LRP1B: variants seen among roughly 807,000 people sequenced by gnomAD.
LRP1B encodes the protein low-density lipoprotein receptor-related protein 1B.
A neutral mutation model predicts 556.6 loss-of-function variants in LRP1B; 217 were observed. That is an observed-to-expected ratio of 0.39 (90% CI 0.35 to 0.44). The LOEUF is 0.44. LRP1B is among the 20% of genes least tolerant of loss of function. The probability of loss-of-function intolerance (pLI) is 1.00; values close to 1 mark genes in which losing one functional copy is unlikely to be tolerated. For synonymous variants in LRP1B, 2,047 were observed against 1,865.8 expected, an observed-to-expected ratio of 1.10 and a Z score of -2.50; for missense variants, 5,053 against 5,620.8, an observed-to-expected ratio of 0.90 and a Z score of 3.23.
At chr2:141,623,654 A>G (rs753488074) in intron 2 of LRP1B, among the ~76,000 whole-genome samples, 2 of 152,122 alleles carry the variant, frequency 1.3e-5, no homozygotes, top group African/African-American at 2.4e-5. Flanking sequence ...GCAAAATGAT[A>G]CCACAAAGTT....
intron 7 of LRP1B, among the ~76,000 whole-genome samples, chr2:141,068,835 T>C (rs1407570159): frequency 1.3e-5 from 2 of 152,022 alleles, no homozygotes; most frequent in Non-Finnish European, 2.9e-5. Context: ...TCATTCTACT[T>C]TAGGGAATAT....
chr2:140,678,406 G>A (rs1055429976), intron 41 of LRP1B, among the ~76,000 whole-genome samples: 7 of 152,134 alleles, frequency 4.6e-5, no homozygotes, highest in African/African-American at 1.7e-4. Context: ...TAAATTCCAT[G>A]TTTAGGTTGT....
intron 7 of LRP1B, among the ~76,000 whole-genome samples, chr2:141,104,736 A>T (rs1372790255): frequency 1.3e-5 from 2 of 152,106 alleles, no homozygotes; most frequent in Non-Finnish European, 2.9e-5. Context: ...ATCAGCTGAA[A>T]TTAAGTTGCT....
intron 18 of LRP1B, among the ~76,000 whole-genome samples, chr2:140,967,288 T>C (rs958774237): frequency 6.6e-6 from 1 of 151,144 alleles, no homozygotes; most frequent in African/African-American, 2.4e-5. Context: ...CCTAGGTATT[T>C]TATTCTCTTT....
chr2:141,500,889 TTC>T (rs1683689045), intron 2 of LRP1B, among the ~76,000 whole-genome samples: 1 of 152,102 alleles, frequency 6.6e-6, no homozygotes, highest in Non-Finnish European at 1.5e-5. Flanking sequence ...CCACAGTTAT[TTC>T]TGACAACAGG....
intron 1 of LRP1B, among the ~76,000 whole-genome samples, chr2:142,077,474 A>T (rs969914146): frequency 2.0e-5 from 3 of 152,164 alleles, no homozygotes; most frequent in Non-Finnish European, 2.9e-5. Flanking sequence ...TTGCAACTAC[A>T]TATTTCACTT....
chr2:140,758,492 A>G (rs1688812251), intron 35 of LRP1B, among the ~76,000 whole-genome samples: 1 of 152,076 alleles, frequency 6.6e-6, no homozygotes, highest in Non-Finnish European at 1.5e-5. Context: ...AAATAAAAGT[A>G]TTTAACCATG....
At chr2:140,426,243 G>A (rs1685647196) in intron 66 of LRP1B, among the ~76,000 whole-genome samples, 1 of 152,106 alleles carries the variant, frequency 6.6e-6, no homozygotes, top group African/African-American at 2.4e-5. Flanking sequence ...CCAATATTAA[G>A]AATCATTTGA....
intron 8 of LRP1B, among the ~76,000 whole-genome samples, chr2:141,059,862 G>A (rs1169935387): frequency 6.6e-6 from 1 of 151,736 alleles, no homozygotes; most frequent in Non-Finnish European, 1.5e-5. Context: ...AAAGGCACAT[G>A]CTAGGCACCT....
At chr2:141,599,569 C>T (rs1025487634) in intron 2 of LRP1B, among the ~76,000 whole-genome samples, 4 of 151,984 alleles carry the variant, frequency 2.6e-5, no homozygotes, top group Admixed American at 1.3e-4. Context: ...ATGCATGGAT[C>T]GATTGAAGTT....
rs59647485 is a variant in LRP1B, at chr2:141,510,195, GAC to G, written c.206-29664_206-29663del. ...CCTAGGTTATGAGTTCGGCAATACAGACACACACACACACACACACACACACA... is the reference window on the plus strand; with the variant it reads ...CCTAGGTTATGAGTTCGGCAATACAGACACACACACACACACACACACACA... On this transcript the variant is annotated intron_variant, in intron 2 of 90. Coordinates refer to ENST00000389484, the MANE Select transcript of LRP1B (RefSeq NM_018557.3). Among the ~76,000 whole-genome samples the G allele has an allele frequency of 5.4e-3, 512 of 95,084 alleles. 4 individuals are homozygous for G. Among genetic ancestry groups the G allele is most frequent in the African/African-American group, 0.018 (381 of 21,390 alleles). 62.4% of individuals were successfully genotyped at this position (95,084 alleles called of 152,430 possible). A position where few individuals can be genotyped will look rare whatever the true frequency, so the allele number is the denominator to read the frequency against.
chr2:141,574,155 C>T (rs902292482), intron 2 of LRP1B, among the ~76,000 whole-genome samples: 14 of 152,088 alleles, frequency 9.2e-5, no homozygotes, highest in Admixed American at 8.5e-4. Flanking sequence ...AAGAGAACTT[C>T]AGGCCAATAT....
chr2:141,008,611 G>T (rs2105378090), intron 14 of LRP1B, among the ~76,000 whole-genome samples: 1 of 151,842 alleles, frequency 6.6e-6, no homozygotes, highest in South Asian at 2.1e-4. Flanking sequence ...AGCAAATGAA[G>T]AATAGCTTTC....
intron 66 of LRP1B, among the ~76,000 whole-genome samples, chr2:140,390,205 T>A (rs1464624258): frequency 6.6e-6 from 1 of 151,872 alleles, no homozygotes; most frequent in Non-Finnish European, 1.5e-5. Flanking sequence ...AAAAGAAAAA[T>A]TAAACTGGAG....
rs758885670 is a variant in LRP1B at position 140,456,611 on chromosome 2, T to A, written c.9815-8A>T. 6.2e-7 allele frequency: 1 copy of A among 1,603,712 alleles called. No homozygotes were observed. The highest frequency in any genetic ancestry group is 8.5e-7 in the Non-Finnish European group (1 of 1,174,886). Reference sequence around the variant, plus strand: ...TGCAGAGATGTTTGGAGACTAAAGATAAGAAAGAAACAACAACAACAAAAC... The same window carrying A: ...TGCAGAGATGTTTGGAGACTAAAGAAAAGAAAGAAACAACAACAACAAAAC... On this transcript the variant is annotated splice_region_variant and splice_polypyrimidine_tract_variant and intron_variant, in intron 61 of 90. Coordinates refer to ENST00000389484, the MANE Select transcript of LRP1B (RefSeq NM_018557.3).
intron 43 of LRP1B, among the ~76,000 whole-genome samples, chr2:140,567,715 G>A (rs144143919): frequency 1.4e-4 from 22 of 152,194 alleles, no homozygotes; most frequent in Non-Finnish European, 2.9e-4. Flanking sequence ...GTTGCTTGTC[G>A]CCTATGTCAG....
At chr2:141,805,340 T>C (rs1696136840) in intron 2 of LRP1B, 3 of 152,158 alleles carry the variant, frequency 2.0e-5, no homozygotes, top group Admixed American at 2.0e-4. Flanking sequence ...TATCCACTTT[T>C]GCAACTTTTT....
At chr2:140,650,297 C>T (rs1684630536) in intron 41 of LRP1B, among the ~76,000 whole-genome samples, 1 of 148,138 alleles carries the variant, frequency 6.8e-6, no homozygotes, top group Non-Finnish European at 1.5e-5. Flanking sequence ...AGTTAAATCA[C>T]TTTATTTTTA....
At chr2:141,052,147 C>T (rs745447912) in intron 10 of LRP1B, among the ~76,000 whole-genome samples, 16 of 151,972 alleles carry the variant, frequency 1.1e-4, no homozygotes, top group Middle Eastern at 3.4e-3. Flanking sequence ...TTTTCTTAGA[C>T]GAAATTACAG....
Sources: gnomAD v4.1 joint callset for allele counts (sites outside exome capture counted in the v4.1 genomes callset) on GRCh38, gnomAD v4.1.1 for gene constraint, MANE v1.5 for transcripts, NCBI Gene and HGNC (gene_info 2026-07-23, HGNC 2026-07-21) for gene names.